The following CHUK variants were observed in gnomAD, a reference collection of about 807,000 sequenced individuals.
The protein encoded by CHUK is component of inhibitor of nuclear factor kappa B kinase complex.
Under a neutral mutation model 104.8 loss-of-function variants are expected in CHUK, and 35 were observed. The observed-to-expected ratio is 0.33, with a 90% CI of 0.26 to 0.44. The LOEUF (loss-of-function observed/expected upper bound fraction) is 0.44. Ranked by LOEUF, CHUK falls within the 20% of genes least tolerant of loss-of-function variation. The probability of loss-of-function intolerance (pLI) is 1.00; values close to 1 mark genes in which losing one functional copy is unlikely to be tolerated. For missense variants in CHUK, 663 were observed against 902.7 expected, an observed-to-expected ratio of 0.73 and a Z score of 3.40; for synonymous variants, 276 against 291.9, an observed-to-expected ratio of 0.95 and a Z score of 0.56.
intron 1 of CHUK, among the ~76,000 whole-genome samples, chr10:100,226,712 A>G (rs1007453757): frequency 1.3e-5 from 2 of 152,256 alleles, no homozygotes; most frequent in African/African-American, 4.8e-5. Context: ...AACAGGCTAC[A>G]CTATGTTTCT....
At chr10:100,221,980 A>G (rs1344089184) in intron 4 of CHUK, 132 bp downstream of exon 4, 2 of 613,346 alleles carry the variant, frequency 3.3e-6, no homozygotes, top group Non-Finnish European at 5.8e-6. Context: ...ATAGATTTTT[A>G]TAACTTCTTA....
Position 100,218,702 on chromosome 10 carries a change from A to G in CHUK, c.797+16T>C. The G allele has an allele frequency of 6.4e-7, 1 of 1,550,872 alleles. No individual in the cohort carries two copies. The highest frequency in any genetic ancestry group is 1.1e-5 in the South Asian group (1 of 89,780). ...GGAGAAACTGAGGCAAACTTCCTTA[A>G]CTAAAATATACTTACCTACAAAGGC... On this transcript the variant is annotated intron_variant, in intron 8 of 20. Transcript: ENST00000370397.
At chr10:100,209,074 A>T (rs931691444) in intron 10 of CHUK, among the ~76,000 whole-genome samples, 6 of 152,192 alleles carry the variant, frequency 3.9e-5, no homozygotes, top group African/African-American at 1.4e-4. Context: ...AGAGTAAGTA[A>T]ATTTACTGAG....
chr10:100,189,549 T>A lies in CHUK; in HGVS notation c.*49A>T, dbSNP rs746055888. The A allele has an allele frequency of 2.7e-6, 4 of 1,494,944 alleles. No homozygotes were observed. The highest frequency in any genetic ancestry group is 1.7e-5 in the Admixed American group (1 of 59,862). The allele number at this position is 1,494,944 out of a possible 1,614,324, so 92.6% of individuals were successfully genotyped here. A position where few individuals can be genotyped will look rare whatever the true frequency, so the allele number is the denominator to read the frequency against. ...ATGGGGGAAAAACACATTTCCAACA[T>A]GTATAGCAACAACTTCCATAGGTTT... On this transcript the variant is annotated 3_prime_UTR_variant, in exon 21 of 21. Transcript: ENST00000370397.
intron 17 of CHUK, 109 bp downstream of exon 17, chr10:100,194,315 CA>C: frequency 1.9e-6 from 2 of 1,057,830 alleles, no homozygotes; most frequent in Non-Finnish European, 2.9e-6. Context: ...AAGGTACCTT[CA>C]GAATTCTTCC....
intron 4 of CHUK, among the ~76,000 whole-genome samples, chr10:100,220,911 G>A (rs971397773): frequency 6.6e-6 from 1 of 152,082 alleles, no homozygotes; most frequent in African/African-American, 2.4e-5. Context: ...ACACCAAATA[G>A]AAATGCAACA....
At chr10:100,200,963 A>T (rs1384981124) in intron 14 of CHUK, among the ~76,000 whole-genome samples, 183 bp from the exon 15 acceptor site, 5 of 152,210 alleles carry the variant, frequency 3.3e-5, no homozygotes, top group Admixed American at 3.3e-4. Context: ...AATCTTTCAC[A>T]TAAGAACATA....
chr10:100,217,252 TA>T (rs60186341), intron 9 of CHUK, among the ~76,000 whole-genome samples: 7,237 of 125,140 alleles, frequency 0.058, 415 homozygotes, highest in African/African-American at 0.16. Flanking sequence ...CTTGACTTGT[TA>T]AAAAAAAAAA....
chr10:100,218,605 AT>A (rs1253197283), intron 8 of CHUK, 112 bp downstream of exon 8: 36 of 762,176 alleles, frequency 4.7e-5, no homozygotes, highest in Non-Finnish European at 7.7e-5. Flanking sequence ...AGGTTTCTAC[AT>A]CATCACAGAA....
intron 16 of CHUK, among the ~76,000 whole-genome samples, chr10:100,197,533 TC>T (rs1845362592): frequency 6.6e-6 from 1 of 152,210 alleles, no homozygotes; most frequent in African/African-American, 2.4e-5. Flanking sequence ...AATACTCGTG[TC>T]TTAATTCATT....
At chr10:100,210,513 C>A (rs1845706312) in intron 9 of CHUK, among the ~76,000 whole-genome samples, 1 of 152,210 alleles carries the variant, frequency 6.6e-6, no homozygotes, top group Non-Finnish European at 1.5e-5. Context: ...ATAATTAGAT[C>A]TTTTAATCTC....
chr10:100,207,079 AT>A lies in CHUK; in HGVS notation c.1231+150del, dbSNP rs1589586350. 17 of 624,388 alleles carry A rather than the reference AT, an allele frequency of 2.7e-5. No homozygotes were observed. The East Asian group carries it at 4.8e-4, about 18-fold the overall frequency. 38.7% of individuals were successfully genotyped at this position (624,388 alleles called of 1,614,324 possible). A position where few individuals can be genotyped will look rare whatever the true frequency, so the allele number is the denominator to read the frequency against. On this transcript the variant is annotated intron_variant, in intron 11 of 20. Transcript: ENST00000370397. ...TTCACCTTCCAAACTATATAAATCC[AT>A]TTTTCAGAGTTCTCATATAACTCCA... is the stretch of plus-strand genomic sequence containing the variant.
At chr10:100,216,674 T>C (rs1427984315) in intron 9 of CHUK, among the ~76,000 whole-genome samples, 1 of 152,198 alleles carries the variant, frequency 6.6e-6, no homozygotes, top group Non-Finnish European at 1.5e-5. Flanking sequence ...TACTCCAACA[T>C]TACATGATTA....
chr10:100,199,809 C>G (rs1362504238), intron 16 of CHUK, among the ~76,000 whole-genome samples, 162 bp downstream of exon 16: 1 of 152,198 alleles, frequency 6.6e-6, no homozygotes, highest in African/African-American at 2.4e-5. Context: ...TTCTCACAAT[C>G]TTAAAGCTTA....
chr10:100,229,447 A>G lies in CHUK; in HGVS notation c.86T>C (p.Val29Ala). 6.2e-7 allele frequency: 1 copy of G among 1,602,704 alleles called. No individual in the cohort carries two copies. Among genetic ancestry groups the G allele is most frequent in the Non-Finnish European group, 8.5e-7 (1 of 1,177,870 alleles). ...ERLGTGGFGN[V>A]CLYQHRELDL... ...CCTCACCCGATGCTGGTACAGACAG[A>G]CGTTCCCGAAGCCGCCGGTGCCCAG... Residue 29 changes from valine to alanine, a missense_variant, in exon 1 of 21, where the codon GTC becomes GCC. Val to Ala is a moderately conservative substitution (Grantham distance 64). Coordinates refer to ENST00000370397, the MANE Select transcript of CHUK (RefSeq NM_001278.5).
intron 15 of CHUK, among the ~76,000 whole-genome samples, 176 bp downstream of exon 15, chr10:100,200,495 T>C (rs984218906): frequency 6.6e-6 from 1 of 152,170 alleles, no homozygotes; most frequent in East Asian, 1.9e-4. Context: ...CCCAAAGAAT[T>C]ATTTCCGAAG....
In CHUK at chr10:100,220,579, T is replaced by A. The variant is rs756773461; in HGVS notation, c.474+9A>T. ...ATAGGCATGAAACATTACTTCAGGT[T>A]TCACCTACCTTTCCACCAACATCCT... is the stretch of plus-strand genomic sequence containing the variant. On this transcript the variant is annotated intron_variant, in intron 5 of 20. Coordinates refer to ENST00000370397, the MANE Select transcript of CHUK (RefSeq NM_001278.5). 10 of 1,579,420 alleles carry A rather than the reference T, an allele frequency of 6.3e-6. No individual in the cohort carries two copies. In the South Asian group the frequency reaches 1.0e-4, roughly 16 times the overall value.
intron 12 of CHUK, 46 bp from the exon 13 acceptor site, chr10:100,204,703 A>G (rs1435151439): frequency 3.4e-6 from 5 of 1,472,758 alleles, no homozygotes; most frequent in African/African-American, 2.8e-5. Context: ...AGATATTATC[A>G]GCATTCAGAA....
Position 100,213,544 on chromosome 10 carries a change from CA to C in CHUK, c.934-3756del, listed in dbSNP as rs539554271. On this transcript the variant is annotated intron_variant, in intron 9 of 20. Coordinates refer to ENST00000370397, the MANE Select transcript of CHUK (RefSeq NM_001278.5). ...CAATTTTGTTTGTTTGTTTTTGAGACAGAGTCTCTCTCTGTCACCCAGGCTG... is the reference window on the plus strand; with the variant it reads ...CAATTTTGTTTGTTTGTTTTTGAGACGAGTCTCTCTCTGTCACCCAGGCTG... 2.0e-5 allele frequency among the ~76,000 whole-genome samples: 3 copies of C among 151,902 alleles called. No homozygotes were observed. The South Asian group carries it at 6.2e-4, about 32-fold the overall frequency.
Sources: allele counts gnomAD v4.1 joint callset (sites outside exome capture counted in the v4.1 genomes callset), GRCh38; gene constraint gnomAD v4.1.1; transcripts MANE v1.5; gene names NCBI Gene and HGNC (gene_info 2026-07-23, HGNC 2026-07-21).